PRPH: variants seen among roughly 807,000 people sequenced by gnomAD.
The protein encoded by PRPH is peripherin, also known as neurofilament 4 (57kD).
Under a neutral mutation model 52.6 loss-of-function variants are expected in PRPH, and 48 were observed. The ratio of observed to expected loss-of-function variants is 0.91; its 90% CI spans 0.72 to 1.16. The LOEUF (loss-of-function observed/expected upper bound fraction) is 1.16. Ranked by LOEUF, PRPH falls within the 50% of genes most tolerant of loss-of-function variation. PRPH has a pLI of 0.00. For synonymous variants in PRPH, 279 were observed against 283.8 expected, an observed-to-expected ratio of 0.98 and a Z score of 0.17; for missense variants, 579 against 635.7, an observed-to-expected ratio of 0.91 and a Z score of 0.96.
intron 1 of PRPH, 115 bp downstream of exon 1, chr12:49,295,860 C>T (rs1261164522): frequency 6.3e-6 from 9 of 1,437,974 alleles, no homozygotes; most frequent in Non-Finnish European, 7.3e-6. Context: ...GGGTGTGGCT[C>T]CCCTTACCAA....
intron 8 of PRPH, 24 bp downstream of exon 8, chr12:49,298,061 G>A: frequency 6.2e-7 from 1 of 1,608,040 alleles, no homozygotes; most frequent in Middle Eastern, 1.7e-4. Context: ...CCTAATGCCA[G>A]GACCCCACCA....
Position 49,296,048 on chromosome 12 carries a change from C to T in PRPH, c.546-130C>T. The T allele has an allele frequency of 7.6e-7, 1 of 1,313,294 alleles. No individual in the cohort carries two copies. The highest frequency in any genetic ancestry group is 1.1e-6 in the Non-Finnish European group (1 of 945,250). 81.4% of individuals were successfully genotyped at this position (1,313,294 alleles called of 1,614,324 possible). A position where few individuals can be genotyped will look rare whatever the true frequency, so the allele number is the denominator to read the frequency against. Reference sequence around the variant, plus strand: ...GACAATGCGGGGCAATTCCATTAGACAGCCTCAGCCCTCCATTTAGAGTCC... The same window carrying T: ...GACAATGCGGGGCAATTCCATTAGATAGCCTCAGCCCTCCATTTAGAGTCC... On this transcript the variant is annotated intron_variant, in intron 1 of 8. Transcript: ENST00000257860. This position sits in a 1 kb window ranked among gnomAD's most constrained non-coding sequence, Gnocchi z 5.1.
In PRPH at chr12:49,297,541, C is replaced by T. The variant is rs1276008196; in HGVS notation, c.1181C>T (p.Ala394Val). Residue 394 changes from alanine (A) to valine (V), a missense_variant, in exon 6 of 9, where the codon GCC becomes GTC. Physicochemically the swap from Ala to Val is moderately conservative, Grantham distance 64 (BLOSUM62 0). Coordinates refer to ENST00000257860, the MANE Select transcript of PRPH (RefSeq NM_006262.4). The surrounding 1 kb of genome is among the most constrained non-coding windows in gnomAD (Gnocchi z 4.4). Reference sequence around the variant, plus strand: ...AAGATGGCCCTGGACATCGAGATCGCCACCTACCGCAAGCTGCTGGAGGGC... The same window carrying T: ...AAGATGGCCCTGGACATCGAGATCGTCACCTACCGCAAGCTGCTGGAGGGC... ...NVKMALDIEIATYRKLLEGEE... is the reference protein window; with the variant it reads ...NVKMALDIEIVTYRKLLEGEE... The T allele has an allele frequency of 4.3e-6, 7 of 1,611,928 alleles. No individual in the cohort carries two copies. The highest frequency in any genetic ancestry group is 1.7e-5 in the Admixed American group (1 of 59,964).
Position 49,295,673 on chromosome 12 carries a change from T to TCCA in PRPH, c.473_474insCCA (p.Leu158delinsPheGln). On this transcript the variant is annotated protein_altering_variant, in exon 1 of 9. Transcript: ENST00000257860. ...GAGCTGCGGCGAGAGCTGGAGCTGT[T>TCCA]GGGCCGCGAGCGTGACCGGGTGCAG... 1.3e-6 allele frequency: 2 copies of TCCA among 1,535,716 alleles called. No homozygotes were observed. Among genetic ancestry groups the TCCA allele is most frequent in the Non-Finnish European group, 1.7e-6 (2 of 1,144,386 alleles).
Position 49,295,626 on chromosome 12 carries a change from G to A in PRPH, c.426G>A (p.Gln142=). ...ARGQEPARAD[Q]LCQQELRELR... ...GCCAGGAGCCGGCGCGCGCCGACCAGCTGTGCCAGCAGGAGCTGCGCGAGC... is the reference window on the plus strand; with the variant it reads ...GCCAGGAGCCGGCGCGCGCCGACCAACTGTGCCAGCAGGAGCTGCGCGAGC... Residue 142 remains glutamine (Q), a synonymous_variant, in exon 1 of 9, where the codon CAG becomes CAA. Transcript: ENST00000257860. 6.5e-7 allele frequency: 1 copy of A among 1,544,964 alleles called. No homozygotes were observed. The highest frequency in any genetic ancestry group is 8.7e-7 in the Non-Finnish European group (1 of 1,145,586).
chr12:49,296,717 T>G lies in PRPH; in HGVS notation c.703-172T>G. On this transcript the variant is annotated intron_variant, in intron 3 of 8. Coordinates refer to ENST00000257860, the MANE Select transcript of PRPH (RefSeq NM_006262.4). The surrounding 1 kb of genome is among the most constrained non-coding windows in gnomAD (Gnocchi z 5.1). ...TGGCGGCGGGCAGCGGGGCTGTACC[T>G]CCGAAACCTGGCCTCTGGTCTCGCG... is the stretch of plus-strand genomic sequence containing the variant. 3 of 1,197,766 alleles carry G rather than the reference T, an allele frequency of 2.5e-6. No homozygotes were observed. In the African/African-American group the frequency reaches 4.6e-5, roughly 18 times the overall value. 74.2% of individuals were successfully genotyped at this position (1,197,766 alleles called of 1,614,324 possible).
rs1943204770 is a variant in PRPH at position 49,297,600 on chromosome 12, G to C, written c.1217+23G>C. 6.2e-7 allele frequency: 1 copy of C among 1,609,052 alleles called. No individual in the cohort carries two copies. Among genetic ancestry groups the C allele is most frequent in the Non-Finnish European group, 8.5e-7 (1 of 1,178,742 alleles). ...CCGGTGAGGGTGGAGCTGCTGGGGC[G>C]GGGCAGGGCGGGGTCGGGACTGGGC... On this transcript the variant is annotated intron_variant, in intron 6 of 8. Coordinates refer to ENST00000257860, the MANE Select transcript of PRPH (RefSeq NM_006262.4). This position sits in a 1 kb window ranked among gnomAD's most constrained non-coding sequence, Gnocchi z 4.4.
At position 49,296,963 on chromosome 12, in the gene PRPH, C is replaced by T; in HGVS notation, c.777C>T (p.Pro259=). Residue 259 remains proline (P), a synonymous_variant, in exon 4 of 9, where the codon CCC becomes CCT. Transcript: ENST00000257860. The surrounding 1 kb of genome is among the most constrained non-coding windows in gnomAD (Gnocchi z 5.1). ...TGGAGGTGGAAGCCACGGTGAAGCC[C>T]GAGCTGACGGCAGCGCTGAGGGACA... The part of the protein sequence containing the change: ...QQVEVEATVK[P]ELTAALRDIR... 1 of 1,613,688 alleles carries T rather than the reference C, an allele frequency of 6.2e-7. No individual in the cohort carries two copies. The highest frequency in any genetic ancestry group is 8.5e-7 in the Non-Finnish European group (1 of 1,179,952).
rs1378149052 is a variant in PRPH, at chr12:49,298,348, T to C, written c.1408T>C (p.Tyr470His). ...GCTGGACAAGTCTTCTGCCCACAGT[T>C]ACTGAACCCCTTGGTCCGGAGCCTT... ...SELDKSSAHS[Y>H] The change falls in exon 9 of 9, where the codon TAC (tyrosine) becomes CAC (histidine). Residue 470 changes from tyrosine to histidine, a missense_variant. Tyr to His is a moderately conservative substitution (Grantham distance 83). Transcript: ENST00000257860. The C allele has an allele frequency of 1.4e-5, 22 of 1,614,056 alleles. No individual in the cohort carries two copies. The highest frequency in any genetic ancestry group is 1.8e-5 in the Non-Finnish European group (21 of 1,180,028).
chr12:49,297,089 C>T lies in PRPH; in HGVS notation c.870+33C>T, dbSNP rs371259790. The T allele has an allele frequency of 1.1e-5, 17 of 1,613,814 alleles. No homozygotes were observed. In the African/African-American group the frequency reaches 2.3e-4, roughly 22 times the overall value. On this transcript the variant is annotated intron_variant, in intron 4 of 8. Coordinates refer to ENST00000257860, the MANE Select transcript of PRPH (RefSeq NM_006262.4). The surrounding 1 kb of genome is among the most constrained non-coding windows in gnomAD (Gnocchi z 4.4). ...AGCCGGGAGGGCCTGCGAGGCGGGA[C>T]GCTGGGGTGGTGTCGCGCGTCCCAG...
At chr12:49,295,836 C>T in intron 1 of PRPH, 91 bp downstream of exon 1, 1 of 1,437,946 alleles carries the variant, frequency 7.0e-7, no homozygotes. Flanking sequence ...TTCCCCTCTC[C>T]ATCAGCAGCC....
Position 49,296,193 on chromosome 12 carries a change from G to T in PRPH, c.561G>T (p.Thr187=). 6.2e-7 allele frequency: 1 copy of T among 1,612,666 alleles called. No individual in the cohort carries two copies. Among genetic ancestry groups the T allele is most frequent in the Non-Finnish European group, 8.5e-7 (1 of 1,179,886 alleles). The change falls in exon 2 of 9, where the codon ACG becomes ACT. Residue 187 remains threonine (T), a synonymous_variant. Coordinates refer to ENST00000257860, the MANE Select transcript of PRPH (RefSeq NM_006262.4). This position sits in a 1 kb window ranked among gnomAD's most constrained non-coding sequence, Gnocchi z 5.1. ...TTCCCGTCAGGTTGGAGGAGGAGAC[G>T]CGCAAGCGGGAGGACGCGGAGCACA... ...AALKQRLEEE[T]RKREDAEHNL...
Position 49,295,678 on chromosome 12 carries a change from C to G in PRPH, c.478C>G (p.Arg160Gly). The G allele has an allele frequency of 6.5e-7, 1 of 1,534,560 alleles. No homozygotes were observed. Among genetic ancestry groups the G allele is most frequent in the Non-Finnish European group, 8.7e-7 (1 of 1,144,148 alleles). ...GCGGCGAGAGCTGGAGCTGTTGGGC[C>G]GCGAGCGTGACCGGGTGCAGGTGGA... is the stretch of plus-strand genomic sequence containing the variant. Reference protein sequence around the residue: ...ELRRELELLGRERDRVQVERD... With the variant: ...ELRRELELLGGERDRVQVERD... The change falls in exon 1 of 9, where the codon CGC becomes GGC. Residue 160 changes from arginine (R) to glycine (G), a missense_variant. By Grantham distance (125) the Arg-to-Gly change is moderately radical. Coordinates refer to ENST00000257860, the MANE Select transcript of PRPH (RefSeq NM_006262.4).
In PRPH at chr12:49,297,801, A is replaced by G. The variant is rs1326692056; in HGVS notation, c.1267+75A>G. On this transcript the variant is annotated intron_variant, in intron 7 of 8. Transcript: ENST00000257860. The surrounding 1 kb of genome is among the most constrained non-coding windows in gnomAD (Gnocchi z 4.4). ...TCGGGCTCTTGCTCTGGCTCACCTCAGGGATCTCTTCTCCCCACGGAACTT... is the reference window on the plus strand; with the variant it reads ...TCGGGCTCTTGCTCTGGCTCACCTCGGGGATCTCTTCTCCCCACGGAACTT... The G allele has an allele frequency of 3.1e-6, 5 of 1,606,420 alleles. No individual in the cohort carries two copies. Among genetic ancestry groups the G allele is most frequent in the Non-Finnish European group, 2.6e-6 (3 of 1,173,578 alleles).
rs374240342 is a variant in PRPH, at chr12:49,296,192, C to T, written c.560C>T (p.Thr187Met). 5.4e-5 allele frequency: 87 copies of T among 1,612,456 alleles called. No individual in the cohort carries two copies. Among genetic ancestry groups the T allele is most frequent in the East Asian group, 5.1e-4 (23 of 44,888 alleles). Residue 187 changes from threonine to methionine, a missense_variant, in exon 2 of 9, where the codon ACG becomes ATG. Physicochemically the swap from Thr to Met is moderately conservative, Grantham distance 81. Coordinates refer to ENST00000257860, the MANE Select transcript of PRPH (RefSeq NM_006262.4). This position sits in a 1 kb window ranked among gnomAD's most constrained non-coding sequence, Gnocchi z 5.1. ...CTTCCCGTCAGGTTGGAGGAGGAGA[C>T]GCGCAAGCGGGAGGACGCGGAGCAC... ...AALKQRLEEE[T>M]RKREDAEHNL...
chr12:49,295,566 C>G lies in PRPH; in HGVS notation c.366C>G (p.Asn122Lys), dbSNP rs1442352911. ...IEKVRFLEQQ[N>K]AALRGELSQA... Reference sequence around the variant, plus strand: ...AGGTACGCTTTCTGGAGCAGCAGAACGCGGCCCTGCGCGGGGAGCTGAGCC... The same window carrying G: ...AGGTACGCTTTCTGGAGCAGCAGAAGGCGGCCCTGCGCGGGGAGCTGAGCC... The change falls in exon 1 of 9, where the codon AAC becomes AAG. Residue 122 changes from asparagine (N) to lysine (K), a missense_variant. Coordinates refer to ENST00000257860, the MANE Select transcript of PRPH (RefSeq NM_006262.4). 1.3e-6 allele frequency: 2 copies of G among 1,564,842 alleles called. No individual in the cohort carries two copies. The highest frequency in any genetic ancestry group is 3.8e-5 in the Admixed American group (2 of 52,470).
At position 49,297,768 on chromosome 12, in the gene PRPH, T is replaced by G. The variant is rs1254052139; in HGVS notation, c.1267+42T>G. 2 of 1,612,260 alleles carry G rather than the reference T, an allele frequency of 1.2e-6. No individual in the cohort carries two copies. The highest frequency in any genetic ancestry group is 3.3e-5 in the Admixed American group (2 of 59,940). On this transcript the variant is annotated intron_variant, in intron 7 of 8. Coordinates refer to ENST00000257860, the MANE Select transcript of PRPH (RefSeq NM_006262.4). The surrounding 1 kb of genome is among the most constrained non-coding windows in gnomAD (Gnocchi z 4.4). The stretch of plus-strand genomic sequence containing the variant: ...GCCTGTACCTCTCCTTGTCCACTTC[T>G]GCCCTCCTCGGGCTCTTGCTCTGGC...
In PRPH at chr12:49,296,446, C is replaced by T; in HGVS notation, c.621C>T (p.Ala207=). 2 of 1,614,184 alleles carry T rather than the reference C, an allele frequency of 1.2e-6. No homozygotes were observed. The highest frequency in any genetic ancestry group is 2.7e-5 in the African/African-American group (2 of 75,050). The change falls in exon 3 of 9, where the codon GCC becomes GCT. Residue 207 remains alanine (A), a synonymous_variant. Coordinates refer to ENST00000257860, the MANE Select transcript of PRPH (RefSeq NM_006262.4). The surrounding 1 kb of genome is among the most constrained non-coding windows in gnomAD (Gnocchi z 5.1). ...LVLFRKDVDD[A]TLSRLELERK... ...ACCCCTCGAAGGACGTGGACGATGC[C>T]ACTCTGTCCCGCCTGGAACTAGAGC... is the stretch of plus-strand genomic sequence containing the variant.
At position 49,295,722 on chromosome 12, in the gene PRPH, G is replaced by A; in HGVS notation, c.522G>A (p.Glu174=). 6.6e-7 allele frequency: 1 copy of A among 1,519,842 alleles called. No homozygotes were observed. The highest frequency in any genetic ancestry group is 1.2e-5 in the South Asian group (1 of 81,128). The allele number at this position is 1,519,842 out of a possible 1,614,324, so 94.1% of individuals were successfully genotyped here. ...RVQVERDGLA[E]DLAALKQRLE... ...AGGTGGAGCGCGACGGGCTGGCGGA[G>A]GACCTGGCGGCGCTCAAGCAGAGGT... Residue 174 remains glutamate, a synonymous_variant, in exon 1 of 9, where the codon GAG becomes GAA. Transcript: ENST00000257860.
Sources: gnomAD v4.1 joint callset for allele counts on GRCh38, gnomAD v4.1.1 for gene constraint, Gnocchi (gnomAD v3.1) non-coding constraint, MANE v1.5 for transcripts, NCBI Gene and HGNC (gene_info 2026-07-23, HGNC 2026-07-21) for gene names.